SMARCC1: variants seen among roughly 807,000 people sequenced by gnomAD.
SMARCC1 encodes the protein SWI/SNF complex subunit SMARCC1.
A neutral mutation model predicts 147.4 loss-of-function variants in SMARCC1; 43 were observed. The ratio of observed to expected loss-of-function variants is 0.29; its 90% CI spans 0.23 to 0.38. The LOEUF (loss-of-function observed/expected upper bound fraction) is 0.38, where lower values mean the gene tolerates loss of function less well. Ranked by LOEUF, SMARCC1 falls within the 10% of genes least tolerant of loss-of-function variation. SMARCC1 has a pLI of 1.00. For synonymous variants in SMARCC1, 495 were observed against 484.4 expected, an observed-to-expected ratio of 1.02 and a Z score of -0.29; for missense variants, 1,119 against 1,381.1, an observed-to-expected ratio of 0.81 and a Z score of 3.01.
chr3:47,596,346 G>A lies in SMARCC1; in HGVS notation c.3044-5509C>T, dbSNP rs559751325. On this transcript the variant is annotated intron_variant, in intron 26 of 27. Coordinates refer to ENST00000254480, the MANE Select transcript of SMARCC1 (RefSeq NM_003074.4). The stretch of plus-strand genomic sequence containing the variant: ...GCACTTTGGGAGGGCAAGGCAGGTG[G>A]ATCAAGAGGTCAGGAGTTCAAGACC... Among the ~76,000 whole-genome samples the A allele has an allele frequency of 2.0e-5, 3 of 152,136 alleles. No individual in the cohort carries two copies. The South Asian group carries it at 6.2e-4, about 32-fold the overall frequency.
At chr3:47,771,099 T>C (rs1478687015) in intron 2 of SMARCC1, among the ~76,000 whole-genome samples, 2 of 152,098 alleles carry the variant, frequency 1.3e-5, no homozygotes, top group African/African-American at 4.8e-5. Context: ...TTAGTAGAGA[T>C]GGTGTTTCAC....
intron 14 of SMARCC1, among the ~76,000 whole-genome samples, chr3:47,684,364 A>G (rs561682912): frequency 2.0e-5 from 3 of 152,234 alleles, no homozygotes; most frequent in Admixed American, 6.5e-5. Flanking sequence ...ACATTTTTAC[A>G]TGCCAGGATT....
chr3:47,701,625 C>T (rs745678607), intron 10 of SMARCC1: 4 of 464,480 alleles, frequency 8.6e-6, no homozygotes, highest in Non-Finnish European at 1.1e-5. Flanking sequence ...ACCAGCCTGA[C>T]CAACATAGCG....
intron 12 of SMARCC1, among the ~76,000 whole-genome samples, chr3:47,691,126 T>C (rs760500393): frequency 1.3e-5 from 2 of 152,198 alleles, no homozygotes; most frequent in African/African-American, 2.4e-5. Context: ...TATTAAATTA[T>C]ATATGATCCC....
chr3:47,662,643 T>G, intron 19 of SMARCC1, 51 bp from the exon 20 acceptor site: 1 of 1,510,648 alleles, frequency 6.6e-7, no homozygotes, highest in Non-Finnish European at 9.1e-7. Flanking sequence ...GAAAGTAATG[T>G]GTAATATTAG....
intron 3 of SMARCC1, among the ~76,000 whole-genome samples, chr3:47,745,484 G>A (rs1471636531): frequency 6.6e-6 from 1 of 152,036 alleles, no homozygotes; most frequent in Non-Finnish European, 1.5e-5. Flanking sequence ...AGGCTGAGAT[G>A]GGTGGAGTGC....
intron 2 of SMARCC1, among the ~76,000 whole-genome samples, chr3:47,762,640 G>A (rs2034787704): frequency 6.6e-6 from 1 of 152,228 alleles, no homozygotes; most frequent in Non-Finnish European, 1.5e-5. Context: ...TGTTGAATGA[G>A]GCTAGGCACA....
At position 47,639,227 on chromosome 3, in the gene SMARCC1, C is replaced by T. The variant is rs923486683; in HGVS notation, c.2321-447G>A. ...TGCCTGACAAGTATGTATTTTGACT[C>T]AGGTACTGGGGAAACACTATGACCC... On this transcript the variant is annotated intron_variant, in intron 21 of 27. Transcript: ENST00000254480. Among the ~76,000 whole-genome samples the T allele has an allele frequency of 7.9e-5, 12 of 152,256 alleles. No individual in the cohort carries two copies. In the East Asian group the frequency reaches 2.3e-3, roughly 29 times the overall value.
At chr3:47,738,518 T>C (rs1404620127) in intron 3 of SMARCC1, among the ~76,000 whole-genome samples, 5 of 152,014 alleles carry the variant, frequency 3.3e-5, no homozygotes, top group Non-Finnish European at 7.4e-5. Context: ...ACCCCATCTC[T>C]ACTAAAAATA....
chr3:47,667,516 T>TG (rs957334751), intron 19 of SMARCC1, among the ~76,000 whole-genome samples: 1 of 152,140 alleles, frequency 6.6e-6, no homozygotes, highest in African/African-American at 2.4e-5. Flanking sequence ...ATTCAAGTCT[T>TG]GTCACTTTCA....
chr3:47,588,350 A>C, intron 27 of SMARCC1, 44 bp from the exon 28 acceptor site: 5 of 1,566,042 alleles, frequency 3.2e-6, no homozygotes, highest in Non-Finnish European at 4.4e-6. Flanking sequence ...TGGAAATACA[A>C]GAGACTCAGG....
At chr3:47,619,361 T>C (rs532546810) in intron 25 of SMARCC1, among the ~76,000 whole-genome samples, 27 of 152,358 alleles carry the variant, frequency 1.8e-4, no homozygotes, top group Middle Eastern at 6.8e-3. Context: ...CAAAGACATC[T>C]GATTAAGTCC....
At chr3:47,638,361 G>A (rs1475464584) in intron 22 of SMARCC1, among the ~76,000 whole-genome samples, 1 of 152,056 alleles carries the variant, frequency 6.6e-6, no homozygotes, top group South Asian at 2.1e-4. Context: ...CCAAAGTGCT[G>A]GAATTACGGC....
chr3:47,610,564 C>T (rs192757704), intron 25 of SMARCC1: 1 of 547,774 alleles, frequency 1.8e-6, no homozygotes, highest in Non-Finnish European at 3.3e-6. Flanking sequence ...TAAGTCTTTC[C>T]TTGCAATCTT....
intron 10 of SMARCC1, among the ~76,000 whole-genome samples, chr3:47,702,395 T>C (rs1206296491): frequency 2.0e-5 from 3 of 152,022 alleles, no homozygotes; most frequent in Non-Finnish European, 2.9e-5. Context: ...AGAAAATACA[T>C]CATAGAGAGA....
chr3:47,640,599 C>T (rs1035618980), intron 21 of SMARCC1, among the ~76,000 whole-genome samples: 4 of 152,068 alleles, frequency 2.6e-5, no homozygotes, highest in Admixed American at 2.6e-4. Flanking sequence ...AACTATAAAA[C>T]TTAAAAATAC....
chr3:47,673,592 G>A (rs1390769243), intron 18 of SMARCC1, among the ~76,000 whole-genome samples: 1 of 152,184 alleles, frequency 6.6e-6, no homozygotes, highest in African/African-American at 2.4e-5. Flanking sequence ...GGGAGGCTAA[G>A]GCAGGAGAAT....
chr3:47,615,530 A>G (rs2032628487), intron 25 of SMARCC1, among the ~76,000 whole-genome samples: 2 of 151,980 alleles, frequency 1.3e-5, no homozygotes, highest in South Asian at 4.1e-4. Flanking sequence ...CTTTCTCTGA[A>G]TTTTCATAGC....
intron 9 of SMARCC1, 93 bp from the exon 10 acceptor site, chr3:47,706,623 C>T: frequency 3.5e-6 from 4 of 1,152,798 alleles, no homozygotes; most frequent in Non-Finnish European, 4.7e-6. Flanking sequence ...CACACAAAGA[C>T]AACAGCATAT....
Sources: gnomAD v4.1 joint callset for allele counts (sites outside exome capture counted in the v4.1 genomes callset) on GRCh38, gnomAD v4.1.1 for gene constraint, MANE v1.5 for transcripts, NCBI Gene and HGNC (gene_info 2026-07-23, HGNC 2026-07-21) for gene names.